The following RYR2 variants were observed in gnomAD, a reference collection of about 807,000 sequenced individuals.
The protein encoded by RYR2 is ryanodine receptor 2, also known as cardiac muscle ryanodine receptor-calcium release channel.
In RYR2, 227 loss-of-function variants were observed where a neutral mutation model predicts 601.1. The observed-to-expected ratio is 0.38, with a 90% confidence interval of 0.34 to 0.42. The LOEUF is 0.42. Among genes scored for constraint, RYR2 ranks in the 10% least tolerant of loss-of-function variants. The pLI is 1.00. For missense variants in RYR2, 4,646 were observed against 6,156.5 expected, an observed-to-expected ratio of 0.75 and a Z score of 8.21; for synonymous variants, 2,223 against 2,175.1, an observed-to-expected ratio of 1.02 and a Z score of -0.61.
Position 237,738,979 on chromosome 1 carries a change from A to T in RYR2, c.11092-3317A>T, listed in dbSNP as rs151267823. Among the ~76,000 whole-genome samples, 538 of 152,358 alleles carry T rather than the reference A, an allele frequency of 3.5e-3. 4 individuals are homozygous for T. Among genetic ancestry groups the T allele is most frequent in the African/African-American group, 0.012 (506 of 41,590 alleles). ...CCACACCCCCTCCAATATTTGATATATGAGTTACTGACTTTTGTCAACCAA... is the reference window on the plus strand; with the variant it reads ...CCACACCCCCTCCAATATTTGATATTTGAGTTACTGACTTTTGTCAACCAA... On this transcript the variant is annotated intron_variant, in intron 79 of 104. Transcript: ENST00000366574.
chr1:237,680,367 C>A, intron 61 of RYR2, 89 bp from the exon 62 acceptor site: 2 of 1,096,184 alleles, frequency 1.8e-6, no homozygotes, highest in Non-Finnish European at 1.3e-6. Context: ...TGCATGTGAA[C>A]AGAACTCTGA....
intron 1 of RYR2, among the ~76,000 whole-genome samples, chr1:237,161,739 A>G (rs1314656855): frequency 6.6e-6 from 1 of 152,190 alleles, no homozygotes; most frequent in Non-Finnish European, 1.5e-5. Context: ...TAAAGATACT[A>G]TGTGCTGATG....
At chr1:237,666,288 C>T (rs535397560) in intron 56 of RYR2, among the ~76,000 whole-genome samples, 15 of 152,200 alleles carry the variant, frequency 9.9e-5, no homozygotes, top group East Asian at 9.7e-4. Context: ...CATCAAATTC[C>T]GATAGGCAAT....
Position 237,633,636 on chromosome 1 carries a change from G to A in RYR2, c.6614G>A (p.Arg2205His), listed in dbSNP as rs370276573. Reference sequence around the variant, plus strand: ...TGCCGTTTTCTCTGTTACTTCTGTCGTATAAGTAGGCAGAATCAAAAAGCT... The same window carrying A: ...TGCCGTTTTCTCTGTTACTTCTGTCATATAAGTAGGCAGAATCAAAAAGCT... ...NCCRFLCYFC[R>H]ISRQNQKAMF... is the part of the protein sequence containing the mutation. Residue 2205 changes from arginine (R) to histidine (H), a missense_variant, in exon 43 of 105, where the codon CGT becomes CAT. This residue lies in a region of RYR2 where 137 missense variants were observed against 273.6 expected (regional missense o/e 0.50). Transcript: ENST00000366574. 11 of 1,613,734 alleles carry A rather than the reference G, an allele frequency of 6.8e-6. No individual in the cohort carries two copies. Among genetic ancestry groups the A allele is most frequent in the East Asian group, 2.2e-5 (1 of 44,890 alleles).
chr1:237,557,895 T>G (rs1422568092), intron 27 of RYR2, among the ~76,000 whole-genome samples: 1 of 152,172 alleles, frequency 6.6e-6, no homozygotes, highest in Non-Finnish European at 1.5e-5. Flanking sequence ...ATCTTCAGTT[T>G]GAGGTGCATG....
At chr1:237,429,951 C>T (rs1706621971) in intron 12 of RYR2, among the ~76,000 whole-genome samples, 1 of 151,776 alleles carries the variant, frequency 6.6e-6, no homozygotes, top group South Asian at 2.1e-4. Flanking sequence ...ATGGTATTAG[C>T]TGTCAAAATA....
intron 100 of RYR2, among the ~76,000 whole-genome samples, chr1:237,809,437 A>G (rs1390310972): frequency 2.6e-5 from 4 of 152,196 alleles, no homozygotes; most frequent in Admixed American, 6.5e-5. Context: ...TCTTCCTAGA[A>G]CTACTGGTTT....
chr1:237,052,381 ATGG>A (rs1005767451), intron 1 of RYR2, among the ~76,000 whole-genome samples: 20 of 152,214 alleles, frequency 1.3e-4, no homozygotes, highest in Admixed American at 2.6e-4. Flanking sequence ...GGTGAAGTAA[ATGG>A]TGGTAAAAGC....
chr1:237,394,278 C>A (rs1006332514), intron 10 of RYR2, among the ~76,000 whole-genome samples: 5 of 152,308 alleles, frequency 3.3e-5, no homozygotes, highest in African/African-American at 1.2e-4. Context: ...CTACATGATT[C>A]TTTCAATGGT....
At chr1:237,305,895 AATATGCATTTCTTTAC>A (rs1455065517) in intron 2 of RYR2, among the ~76,000 whole-genome samples, 2 of 152,212 alleles carry the variant, frequency 1.3e-5, no homozygotes, top group African/African-American at 4.8e-5. Flanking sequence ...TTTTATTTAA[AATATGCATTTCTTTAC>A]ATACATATTT....
At chr1:237,511,296 C>CAAAAAA (rs764004466) in intron 23 of RYR2, among the ~76,000 whole-genome samples, 2 of 88,236 alleles carry the variant, frequency 2.3e-5, no homozygotes, top group Non-Finnish European at 2.4e-5. Context: ...GTGTATGGAC[C>CAAAAAA]AAAAAAAAAA....
chr1:237,486,890 C>G (rs2998407), intron 17 of RYR2, among the ~76,000 whole-genome samples: 42,902 of 151,738 alleles, frequency 0.28, 6,134 homozygotes, highest in Middle Eastern at 0.41. Context: ...CAATTATAAT[C>G]TATATGTTAT....
intron 1 of RYR2, among the ~76,000 whole-genome samples, chr1:237,173,370 C>G (rs986756486): frequency 6.6e-6 from 1 of 152,176 alleles, no homozygotes; most frequent in African/African-American, 2.4e-5. Context: ...CTCTCCAAAC[C>G]TTTATTTCCT....
intron 2 of RYR2, among the ~76,000 whole-genome samples, chr1:237,295,101 A>G (rs1475807611): frequency 1.3e-5 from 2 of 152,126 alleles, no homozygotes; most frequent in Admixed American, 1.3e-4. Flanking sequence ...CTGTAGTCCT[A>G]GTGATTCAGG....
At chr1:237,576,205 G>A (rs530659327) in intron 29 of RYR2, among the ~76,000 whole-genome samples, 7 of 152,246 alleles carry the variant, frequency 4.6e-5, no homozygotes, top group Non-Finnish European at 7.4e-5. Context: ...TCAATCCGTC[G>A]ATCAGACTTT....
intron 9 of RYR2, 23 bp downstream of exon 9, chr1:237,387,403 A>T: frequency 6.2e-7 from 1 of 1,602,656 alleles, no homozygotes; most frequent in South Asian, 1.1e-5. Context: ...CTTCAATTAG[A>T]GGGCCTGTCC....
chr1:237,322,193 A>C (rs999498098), intron 2 of RYR2, among the ~76,000 whole-genome samples: 18 of 152,170 alleles, frequency 1.2e-4, no homozygotes, highest in African/African-American at 4.1e-4. Context: ...GCAAACAGTG[A>C]GATGGTTGGT....
Position 237,819,692 on chromosome 1 carries a change from G to A in RYR2, c.14590+500G>A, listed in dbSNP as rs904606701. Among the ~76,000 whole-genome samples the A allele has an allele frequency of 6.6e-6, 1 of 152,020 alleles. No homozygotes were observed. Among genetic ancestry groups the A allele is most frequent in the African/African-American group, 2.4e-5 (1 of 41,376 alleles). ...AACTAGCCAGGCGTGGTGGCACACA[G>A]CTGTAATCCCAGCTACCTGGGAGGC... On this transcript the variant is annotated intron_variant, in intron 101 of 104. Transcript: ENST00000366574. The surrounding 1 kb of genome is among the most constrained non-coding windows in gnomAD (Gnocchi z 4.0).
intron 12 of RYR2, among the ~76,000 whole-genome samples, chr1:237,429,855 A>T (rs1706607947): frequency 6.6e-6 from 1 of 152,112 alleles, no homozygotes; most frequent in Non-Finnish European, 1.5e-5. Context: ...TATACGTGCA[A>T]GTTAATTTCA....
Sources: allele counts gnomAD v4.1 joint callset (sites outside exome capture counted in the v4.1 genomes callset), GRCh38; gene constraint gnomAD v4.1.1; regional missense constraint gnomAD v4.1.1; non-coding constraint Gnocchi (gnomAD v3.1); transcripts MANE v1.5; gene names NCBI Gene and HGNC (gene_info 2026-07-23, HGNC 2026-07-21).